JADE1: variants seen among roughly 807,000 people sequenced by gnomAD.
JADE1 encodes protein Jade-1.
A neutral mutation model predicts 81.8 loss-of-function variants in JADE1; 14 were observed. That is an observed-to-expected ratio of 0.17 (90% CI 0.11 to 0.27). The LOEUF (loss-of-function observed/expected upper bound fraction) is 0.27, where lower values mean the gene tolerates loss of function less well. Among genes scored for constraint, JADE1 ranks in the 10% least tolerant of loss-of-function variants. The pLI, the probability that JADE1 is intolerant of heterozygous loss-of-function variation, is 1.00. For synonymous variants in JADE1, 353 were observed against 391.9 expected (o/e 0.90, Z 1.17); for missense variants, 690 against 1,047.9 (o/e 0.66, Z 4.71).
intron 2 of JADE1, 28 bp downstream of exon 2, chr4:128,831,838 C>T: frequency 1.3e-6 from 2 of 1,598,290 alleles, no homozygotes; most frequent in Non-Finnish European, 1.7e-6. Context: ...GTTCTTGGAG[C>T]CTACCAGGGT....
chr4:128,860,063 A>C (rs1210370700), intron 8 of JADE1, among the ~76,000 whole-genome samples: 1 of 152,146 alleles, frequency 6.6e-6, no homozygotes, highest in Non-Finnish European at 1.5e-5. Context: ...TTAGGGTTAG[A>C]GCGCTTGGGT....
chr4:128,820,747 C>T (rs551342733), intron 1 of JADE1, among the ~76,000 whole-genome samples: 3 of 151,464 alleles, frequency 2.0e-5, no homozygotes, highest in South Asian at 2.1e-4. Flanking sequence ...TTAGTGGTAA[C>T]GGATAGTTTC....
In JADE1 at chr4:128,846,622, G is replaced by A; in HGVS notation, c.296+90G>A. The A allele has an allele frequency of 1.4e-6, 2 of 1,380,824 alleles. No individual in the cohort carries two copies. The highest frequency in any genetic ancestry group is 1.3e-5 in the South Asian group (1 of 78,418). 85.5% of individuals were successfully genotyped at this position (1,380,824 alleles called of 1,614,324 possible). ...ATCTGAGAAGAGACAATTTCTGTGG[G>A]AAGAGACAGTTTCTGAGTTAGCATT... On this transcript the variant is annotated intron_variant, in intron 4 of 10. Transcript: ENST00000226319. The surrounding 1 kb of genome is among the most constrained non-coding windows in gnomAD (Gnocchi z 4.0).
chr4:128,839,798 G>A (rs1729281040), intron 2 of JADE1, among the ~76,000 whole-genome samples: 1 of 152,168 alleles, frequency 6.6e-6, no homozygotes, highest in Non-Finnish European at 1.5e-5. Context: ...ATATACCAGA[G>A]TTTTTTCATT....
At chr4:128,830,100 A>C (rs952410781) in intron 1 of JADE1, among the ~76,000 whole-genome samples, 4 of 151,440 alleles carry the variant, frequency 2.6e-5, no homozygotes, top group Non-Finnish European at 5.9e-5. Context: ...CTGGTCTCGA[A>C]CTGCTGACCT....
intron 9 of JADE1, 49 bp downstream of exon 9, chr4:128,862,274 A>G (rs1407789823): frequency 6.2e-7 from 1 of 1,610,716 alleles, no homozygotes; most frequent in South Asian, 1.1e-5. Flanking sequence ...AGAAGATGCA[A>G]AGAGGCGAAC....
At position 128,855,718 on chromosome 4, in the gene JADE1, C is replaced by T; in HGVS notation, c.785C>T (p.Pro262Leu). 6.2e-7 allele frequency: 1 copy of T among 1,614,116 alleles called. No homozygotes were observed. Among genetic ancestry groups the T allele is most frequent in the Non-Finnish European group, 8.5e-7 (1 of 1,179,982 alleles). Residue 262 changes from proline (P) to leucine (L), a missense_variant, in exon 7 of 11, where the codon CCG becomes CTG. Pro to Leu is a moderately conservative substitution (Grantham distance 98). Coordinates refer to ENST00000226319, the MANE Select transcript of JADE1 (RefSeq NM_199320.4). ...GTTCAGCCAAAATGTCTGCTGTGTC[C>T]GAAGAAGGGTGGAGCTATGAAGCCC... is the stretch of plus-strand genomic sequence containing the variant. ...LGVQPKCLLC[P>L]KKGGAMKPTR... is the part of the protein sequence containing the mutation.
chr4:128,844,069 T>C (rs1371718925), intron 3 of JADE1, among the ~76,000 whole-genome samples: 1 of 152,266 alleles, frequency 6.6e-6, no homozygotes, highest in African/African-American at 2.4e-5. Context: ...TTTAGTGCTC[T>C]CTTCCTTTTC....
rs774418437 is a variant in JADE1 at position 128,871,869 on chromosome 4, C to T, written c.2136C>T (p.Gly712=). ...CTGGAGTGGGGCAGTCAGCACCTGGCACAAGGAAGGAGATAGTGCCCAAGT... is the reference window on the plus strand; with the variant it reads ...CTGGAGTGGGGCAGTCAGCACCTGGTACAAGGAAGGAGATAGTGCCCAAGT... The part of the protein sequence containing the change: ...TSPGVGQSAP[G]TRKEIVPKCN... The change falls in exon 11 of 11, where the codon GGC becomes GGT. Residue 712 remains glycine (G), a synonymous_variant. Coordinates refer to ENST00000226319, the MANE Select transcript of JADE1 (RefSeq NM_199320.4). This position sits in a 1 kb window ranked among gnomAD's most constrained non-coding sequence, Gnocchi z 4.1. 1.2e-6 allele frequency: 2 copies of T among 1,614,064 alleles called. No individual in the cohort carries two copies. Among genetic ancestry groups the T allele is most frequent in the Admixed American group, 3.3e-5 (2 of 60,030 alleles).
At chr4:128,853,498 C>T (rs972177133) in intron 6 of JADE1, among the ~76,000 whole-genome samples, 5 of 152,104 alleles carry the variant, frequency 3.3e-5, no homozygotes, top group Middle Eastern at 3.2e-3. Flanking sequence ...AAGGGAAACC[C>T]TTAGATTTCA....
At chr4:128,857,527 T>A (rs1395057814) in intron 8 of JADE1, 73 bp downstream of exon 8, 14 of 1,234,734 alleles carry the variant, frequency 1.1e-5, no homozygotes, top group Non-Finnish European at 1.7e-5. Flanking sequence ...GAAGGCTCTG[T>A]GAACTGTCCA....
rs1296431513 is a variant in JADE1, at chr4:128,831,752, G to A, written c.-7G>A. The A allele has an allele frequency of 6.2e-7, 1 of 1,614,086 alleles. No homozygotes were observed. The highest frequency in any genetic ancestry group is 1.1e-5 in the South Asian group (1 of 91,076). On this transcript the variant is annotated 5_prime_UTR_variant, in exon 2 of 11. Transcript: ENST00000226319. ...TTGCAGGCTGCCTGCTGTTTCCCGG[G>A]GAGATCATGAAACGAGGTCGCCTTC...
intron 1 of JADE1, among the ~76,000 whole-genome samples, chr4:128,812,492 C>T (rs901792913): frequency 1.3e-5 from 2 of 152,078 alleles, no homozygotes. Context: ...CCCTCTCACT[C>T]CGCCACCCTC....
intron 3 of JADE1, among the ~76,000 whole-genome samples, chr4:128,845,887 G>A (rs1246453700): frequency 2.0e-5 from 3 of 151,574 alleles, no homozygotes; most frequent in South Asian, 2.1e-4. Context: ...CTGTGTTACC[G>A]CACTCCAGCC....
At chr4:128,831,846 G>A (rs1157073797) in intron 2 of JADE1, 36 bp downstream of exon 2, 1 of 1,575,416 alleles carries the variant, frequency 6.3e-7, no homozygotes, top group Non-Finnish European at 8.7e-7. Context: ...AGCCTACCAG[G>A]GTTTGGGTCG....
chr4:128,810,853 A>C (rs534936411), intron 1 of JADE1, among the ~76,000 whole-genome samples: 1 of 152,030 alleles, frequency 6.6e-6, no homozygotes, highest in Non-Finnish European at 1.5e-5. Context: ...CCCTTAATCG[A>C]TGAAATGGGG....
chr4:128,849,282 GC>G, intron 5 of JADE1, 115 bp downstream of exon 5: 1 of 839,872 alleles, frequency 1.2e-6, no homozygotes, highest in East Asian at 2.8e-5. Context: ...CTCCATCATA[GC>G]TTTAGTCAGT....
At chr4:128,853,898 C>T (rs1401958870) in intron 6 of JADE1, among the ~76,000 whole-genome samples, 1 of 152,194 alleles carries the variant, frequency 6.6e-6, no homozygotes, top group African/African-American at 2.4e-5. Context: ...CTGCTTCAGT[C>T]ATCGCCGTCT....
intron 1 of JADE1, among the ~76,000 whole-genome samples, chr4:128,810,622 A>G (rs963268672): frequency 6.6e-6 from 1 of 151,540 alleles, no homozygotes; most frequent in African/African-American, 2.4e-5. Context: ...TATTTGTCCA[A>G]ACATAGGTGT....
Sources: gnomAD v4.1 joint callset for allele counts (sites outside exome capture counted in the v4.1 genomes callset) on GRCh38, gnomAD v4.1.1 for gene constraint, Gnocchi (gnomAD v3.1) non-coding constraint, MANE v1.5 for transcripts, NCBI Gene and HGNC (gene_info 2026-07-23, HGNC 2026-07-21) for gene names.